Variants in KLF13 observed in about 807,000 individuals in gnomAD.
The protein encoded by KLF13 is Krueppel-like factor 13.
Under a neutral mutation model 16.7 loss-of-function variants are expected in KLF13, and 8 were observed. That is an observed-to-expected ratio of 0.48 (90% CI 0.28 to 0.87). KLF13 has a LOEUF of 0.87. KLF13 is among the 40% of genes least tolerant of loss of function. The probability of loss-of-function intolerance (pLI) is 0.10; values close to 1 mark genes in which losing one functional copy is unlikely to be tolerated. For synonymous variants in KLF13, 245 were observed against 208.4 expected, an observed-to-expected ratio of 1.18 and a Z score of -1.51; for missense variants, 447 against 452.2, an observed-to-expected ratio of 0.99 and a Z score of 0.10.
chr15:31,387,195 A>G (rs1463761651), intron 1 of KLF13, among the ~76,000 whole-genome samples: 1 of 152,224 alleles, frequency 6.6e-6, no homozygotes, highest in Non-Finnish European at 1.5e-5. Context: ...TGCTATCAGC[A>G]TTGCACACTA....
chr15:31,409,991 A>T (rs1649796138), intron 1 of KLF13, among the ~76,000 whole-genome samples: 2 of 152,294 alleles, frequency 1.3e-5, no homozygotes, highest in African/African-American at 2.4e-5. Context: ...CTATTTAAAA[A>T]TTTTCTTAAT....
At chr15:31,429,133 T>C (rs746450540) in intron 1 of KLF13, among the ~76,000 whole-genome samples, 1 of 151,894 alleles carries the variant, frequency 6.6e-6, no homozygotes, top group Non-Finnish European at 1.5e-5. Context: ...TGCTGCATTC[T>C]GTATGTTCAT....
At chr15:31,422,721 A>T (rs2141009389) in intron 1 of KLF13, among the ~76,000 whole-genome samples, 2 of 152,304 alleles carry the variant, frequency 1.3e-5, no homozygotes, top group Middle Eastern at 6.8e-3. Context: ...AGAGACAAAA[A>T]TGAACATATA....
chr15:31,435,460 G>T (rs1399434991), exon 2 of KLF13: 4 of 152,164 alleles, frequency 2.6e-5, no homozygotes, highest in Non-Finnish European at 5.9e-5. Context: ...CGCCCCCTAG[G>T]GTCCAAGCTC....
chr15:31,329,370 T>C (rs2038785626), intron 1 of KLF13, among the ~76,000 whole-genome samples: 1 of 151,860 alleles, frequency 6.6e-6, no homozygotes, highest in Admixed American at 6.6e-5. Flanking sequence ...TGAGATCCGC[T>C]TTGGGGGATG....
chr15:31,329,274 T>G (rs1259346791), intron 1 of KLF13, among the ~76,000 whole-genome samples: 2 of 51,304 alleles, frequency 3.9e-5, no homozygotes, highest in African/African-American at 8.2e-5. Flanking sequence ...GGTGTGGCCC[T>G]GGGGGAGGGG....
chr15:31,382,503 A>G (rs529484473), downstream of KLF13, among the ~76,000 whole-genome samples: 3 of 152,266 alleles, frequency 2.0e-5, no homozygotes, highest in South Asian at 2.1e-4. Flanking sequence ...ACCTTTGTCT[A>G]TTCTCTGGCA....
At chr15:31,363,692 G>C (rs2039422234) in intron 1 of KLF13, among the ~76,000 whole-genome samples, 1 of 152,094 alleles carries the variant, frequency 6.6e-6, no homozygotes, top group Non-Finnish European at 1.5e-5. Flanking sequence ...CACCATGTTG[G>C]CCAGGTTGGT....
At chr15:31,434,010 TAGAACTAAGAGAAGATGGAGAGAG>T (rs536459029) in intron 1 of KLF13, among the ~76,000 whole-genome samples, 85 of 152,240 alleles carry the variant, frequency 5.6e-4, no homozygotes, top group African/African-American at 2.0e-3. Context: ...GAAATCTTTT[TAGAACTAAGAGAAGATGGAGAGAG>T]AACAGCCAAG....
intron 1 of KLF13, among the ~76,000 whole-genome samples, chr15:31,344,101 A>G (rs891686332): frequency 3.3e-4 from 50 of 152,066 alleles, no homozygotes; most frequent in African/African-American, 1.2e-3. Flanking sequence ...TGGGACAAAC[A>G]CCTGCCAATA....
intron 1 of KLF13, chr15:31,393,431 C>A (rs1414965581): frequency 2.6e-5 from 4 of 152,040 alleles, no homozygotes; most frequent in East Asian, 3.9e-4. Context: ...CGTCCCCCCC[C>A]CGTCCCCCTC....
chr15:31,418,242 A>G (rs540015347), intron 1 of KLF13, among the ~76,000 whole-genome samples: 2 of 152,310 alleles, frequency 1.3e-5, no homozygotes, highest in South Asian at 4.1e-4. Context: ...TTAGCCTTCA[A>G]ACATAAAAAG....
intron 1 of KLF13, among the ~76,000 whole-genome samples, chr15:31,364,975 G>T (rs532105909): frequency 5.9e-5 from 9 of 152,352 alleles, no homozygotes; most frequent in Admixed American, 5.2e-4. Flanking sequence ...TTTCATTGGA[G>T]GCCAGCAGTT....
intron 1 of KLF13, among the ~76,000 whole-genome samples, chr15:31,433,974 C>G (rs938864863): frequency 6.6e-6 from 1 of 152,184 alleles, no homozygotes; most frequent in Non-Finnish European, 1.5e-5. Context: ...CCTCACATTT[C>G]TTTTTTGAGC....
chr15:31,390,724 C>G (rs1415240187), upstream of KLF13, among the ~76,000 whole-genome samples: 1 of 152,122 alleles, frequency 6.6e-6, no homozygotes, highest in Non-Finnish European at 1.5e-5. Flanking sequence ...TGCCCTCCCT[C>G]TACATTCTTT....
downstream of KLF13, among the ~76,000 whole-genome samples, chr15:31,379,394 C>G (rs1179833807): frequency 6.6e-6 from 1 of 151,998 alleles, no homozygotes; most frequent in African/African-American, 2.4e-5. Flanking sequence ...GGTGGATCCG[C>G]TTCCATAAAT....
At position 31,335,435 on chromosome 15, in the gene KLF13, A is replaced by ATGTGTGTGTG. The variant is rs71110867; in HGVS notation, c.577+7678_577+7687dup. Among the ~76,000 whole-genome samples, 62 of 34,938 alleles carry ATGTGTGTGTG rather than the reference A, an allele frequency of 1.8e-3. 2 individuals carry two copies. The highest frequency in any genetic ancestry group is 3.9e-3 in the African/African-American group (54 of 13,952). 22.9% of individuals were successfully genotyped at this position (34,938 alleles called of 152,430 possible). ...GCTGTTGGGCATTGTGTGTGTGTGT[A>ATGTGTGTGTG]TGTGTGTGTGTGTGTGTGTGTGTGT... On this transcript the variant is annotated intron_variant, in intron 1 of 1. Transcript: ENST00000307145.
intron 1 of KLF13, among the ~76,000 whole-genome samples, chr15:31,425,831 C>G (rs768072089): frequency 6.6e-6 from 1 of 152,040 alleles, no homozygotes; most frequent in African/African-American, 2.4e-5. Flanking sequence ...GAGCTGAGAT[C>G]GCGCCACTGC....
intron 1 of KLF13, among the ~76,000 whole-genome samples, chr15:31,431,412 T>C (rs547314410): frequency 6.6e-6 from 1 of 152,308 alleles, no homozygotes; most frequent in African/African-American, 2.4e-5. Context: ...TGTATATTCA[T>C]ATAATGGATT....
Sources: gnomAD v4.1 joint callset for allele counts (sites outside exome capture counted in the v4.1 genomes callset) on GRCh38, gnomAD v4.1.1 for gene constraint, MANE v1.5 for transcripts, NCBI Gene and HGNC (gene_info 2026-07-23, HGNC 2026-07-21) for gene names.